The following FANCB variants were observed in gnomAD, a reference collection of about 807,000 sequenced individuals.
FANCB encodes the protein FA complementation group B, also known as Fanconi anemia group B protein.
FANCB carries 5 observed loss-of-function variants against 38.9 expected under a neutral mutation model. That is an observed-to-expected ratio of 0.13 (90% CI 0.07 to 0.27). The LOEUF (loss-of-function observed/expected upper bound fraction) is 0.27, where lower values mean the gene tolerates loss of function less well. Among genes scored for constraint, FANCB ranks in the 10% least tolerant of loss-of-function variants. FANCB has a pLI of 1.00. For synonymous variants in FANCB, 236 were observed against 215.4 expected (o/e 1.10, Z -0.84); for missense variants, 573 against 602.7 (o/e 0.95, Z 0.52).
At chrX:14,726,696 T>C in the FANCB span, among the ~76,000 whole-genome samples, 3 of 112,611 alleles carry the variant, frequency 2.7e-5, no homozygotes, top group African/African-American at 9.7e-5. Flanking sequence ...GCTCTGTTAA[T>C]TGAATGAGTT....
chrX:14,820,876 G>A, the FANCB span, among the ~76,000 whole-genome samples: 1 of 111,650 alleles, frequency 9.0e-6, no homozygotes, highest in Non-Finnish European at 1.9e-5. Context: ...GCAACTCATT[G>A]AAAGCAAATC....
chrX:14,807,702 G>C, the FANCB span, among the ~76,000 whole-genome samples: 1 of 110,969 alleles, frequency 9.0e-6, no homozygotes, highest in Non-Finnish European at 1.9e-5. Context: ...TCACACTGTG[G>C]TTACATGACT....
the FANCB span, among the ~76,000 whole-genome samples, chrX:14,817,792 C>T: frequency 9.0e-6 from 1 of 111,239 alleles, no homozygotes; most frequent in Non-Finnish European, 1.9e-5. Flanking sequence ...ATGTGATTTG[C>T]AATGCACTTT....
Position 14,869,021 on chromosome X carries a change from A to C in FANCB, c.-169T>G, listed in dbSNP as rs749253187. The C allele has an allele frequency of 8.9e-6, 1 of 111,775 alleles. No homozygotes were observed. The highest frequency in any genetic ancestry group is 3.2e-5 in the African/African-American group (1 of 30,836). The allele number at this position is 111,775 out of a possible 1,213,427, so 9.2% of individuals were successfully genotyped here. On this transcript the variant is annotated 5_prime_UTR_variant, in exon 2 of 10. Transcript: ENST00000650831. Reference sequence around the variant, plus strand: ...AAAGAAGATAGGGTAGGTAAATCAAAGGTCTGGCTTGTACTTATGAAACTA... The same window carrying C: ...AAAGAAGATAGGGTAGGTAAATCAACGGTCTGGCTTGTACTTATGAAACTA...
the FANCB span, among the ~76,000 whole-genome samples, chrX:14,736,430 T>C: frequency 8.9e-6 from 1 of 111,995 alleles, no homozygotes; most frequent in Non-Finnish European, 1.9e-5. Flanking sequence ...GCATAGTATC[T>C]GGGCTGAAAT....
the FANCB span, among the ~76,000 whole-genome samples, chrX:14,772,083 T>G: frequency 4.5e-5 from 5 of 110,737 alleles, no homozygotes; most frequent in Admixed American, 4.8e-4. Context: ...TCAGGAGGAA[T>G]GGGATCAAGG....
chrX:14,853,454 A>G (rs1450312200), intron 5 of FANCB, among the ~76,000 whole-genome samples: 1 of 111,987 alleles, frequency 8.9e-6, no homozygotes, highest in African/African-American at 3.2e-5. Flanking sequence ...GTGAGTTATT[A>G]AGTAACTTCG....
chrX:14,797,731 T>C, the FANCB span, among the ~76,000 whole-genome samples: 5 of 108,242 alleles, frequency 4.6e-5, no homozygotes, highest in African/African-American at 1.7e-4. Flanking sequence ...AGTCATTAAA[T>C]CTAACCCACT....
chrX:14,775,439 G>A, the FANCB span, among the ~76,000 whole-genome samples: 1 of 111,708 alleles, frequency 9.0e-6, no homozygotes, highest in African/African-American at 3.3e-5. Context: ...TGTAGCTGCT[G>A]GGAAGCAGTA....
At chrX:14,752,720 T>C in the FANCB span, among the ~76,000 whole-genome samples, 364 of 112,187 alleles carry the variant, frequency 3.2e-3, 1 homozygote, top group African/African-American at 0.011. Context: ...AAAACAAATG[T>C]ACTGAGATAA....
chrX:14,694,818 C>T, the FANCB span, among the ~76,000 whole-genome samples: 1 of 111,934 alleles, frequency 8.9e-6, no homozygotes, highest in Non-Finnish European at 1.9e-5. Flanking sequence ...GAGGTAAAAC[C>T]AATAGGTCAT....
chrX:14,855,303 C>T (rs1481711447), intron 5 of FANCB, among the ~76,000 whole-genome samples: 1 of 112,020 alleles, frequency 8.9e-6, no homozygotes, highest in Non-Finnish European at 1.9e-5. Context: ...CTATTTGTTA[C>T]GTCATGTGCA....
intron 7 of FANCB, among the ~76,000 whole-genome samples, chrX:14,847,662 AAAG>A (rs1300994937): frequency 1.8e-5 from 2 of 111,365 alleles, no homozygotes; most frequent in African/African-American, 3.3e-5. Flanking sequence ...AAAAAAAAAA[AAAG>A]AAATCTGCAC....
chrX:14,738,948 T>C, the FANCB span, among the ~76,000 whole-genome samples: 12 of 112,178 alleles, frequency 1.1e-4, no homozygotes, highest in Non-Finnish European at 2.1e-4. Flanking sequence ...AAATTCCATA[T>C]CATATGATTC....
intron 2 of FANCB, among the ~76,000 whole-genome samples, chrX:14,867,635 C>CATAG (rs1464105925): frequency 9.1e-6 from 1 of 109,956 alleles, no homozygotes; most frequent in African/African-American, 3.3e-5. Flanking sequence ...CAGAACAAAA[C>CATAG]ATAGGGGAAA....
the FANCB span, among the ~76,000 whole-genome samples, chrX:14,777,020 G>A: frequency 1.8e-5 from 2 of 111,894 alleles, no homozygotes; most frequent in Admixed American, 1.9e-4. Context: ...GTAACTGGAG[G>A]GTGCCTAGAG....
the FANCB span, among the ~76,000 whole-genome samples, chrX:14,749,507 C>T: frequency 2.0e-3 from 226 of 111,114 alleles, 1 homozygote; most frequent in African/African-American, 7.1e-3. Context: ...ACACTACAGC[C>T]GTGTGGTAGG....
chrX:14,747,025 C>T, the FANCB span, among the ~76,000 whole-genome samples: 1 of 111,726 alleles, frequency 9.0e-6, no homozygotes, highest in African/African-American at 3.3e-5. Flanking sequence ...CTAGGGTATT[C>T]TTTCTGGCCT....
the FANCB span, among the ~76,000 whole-genome samples, chrX:14,713,216 G>A: frequency 8.9e-6 from 1 of 112,024 alleles, no homozygotes; most frequent in Non-Finnish European, 1.9e-5. Flanking sequence ...TTTGAGTTTA[G>A]TAGTGGGTTC....
Sources: allele counts gnomAD v4.1 joint callset (sites outside exome capture counted in the v4.1 genomes callset), GRCh38; gene constraint gnomAD v4.1.1; transcripts MANE v1.5; gene names NCBI Gene and HGNC (gene_info 2026-07-23, HGNC 2026-07-21).